The following ANOS1 variants were observed in gnomAD, a reference collection of about 807,000 sequenced individuals.
The protein encoded by ANOS1 is anosmin-1.
Under a neutral mutation model 59.0 loss-of-function variants are expected in ANOS1, and 6 were observed. The ratio of observed to expected loss-of-function variants is 0.10; its 90% CI spans 0.06 to 0.20. ANOS1 has a LOEUF of 0.20. ANOS1 is among the 10% of genes least tolerant of loss of function. The probability of loss-of-function intolerance (pLI) is 1.00; values close to 1 mark genes in which losing one functional copy is unlikely to be tolerated. For missense variants in ANOS1, 433 were observed against 542.3 expected (o/e 0.80, Z 2.00); for synonymous variants, 217 against 223.4 (o/e 0.97, Z 0.25).
intron 9 of ANOS1, among the ~76,000 whole-genome samples, chrX:8,551,256 T>C (rs781514212): frequency 8.9e-6 from 1 of 112,373 alleles, no homozygotes; most frequent in Admixed American, 9.4e-5. Flanking sequence ...AATATCTTTG[T>C]GACCTTTGTA....
At chrX:8,685,255 G>C (rs1238335961) in intron 2 of ANOS1, among the ~76,000 whole-genome samples, 1 of 110,736 alleles carries the variant, frequency 9.0e-6, no homozygotes, top group Admixed American at 9.8e-5. Context: ...CTGAGCTATT[G>C]CTATTAATAT....
rs1193940459 is a variant in ANOS1 at position 8,587,878 on chromosome X, A to G, written c.642T>C (p.Pro214=). ...WSSKFNISIE[P]VIYVVQRRWN... is the part of the protein sequence containing the mutation. ...ATCTTCTTTGTACCACATAGATCAC[A>G]GGCTCAATAGAAATATTGAATTTCG... The change falls in exon 5 of 14, where the codon CCT becomes CCC. Residue 214 remains proline, a synonymous_variant. Transcript: ENST00000262648. 2 of 1,204,270 alleles carry G rather than the reference A, an allele frequency of 1.7e-6. No individual in the cohort carries two copies. The highest frequency in any genetic ancestry group is 2.2e-6 in the Non-Finnish European group (2 of 890,933).
chrX:8,581,598 G>A (rs999292670), intron 6 of ANOS1, among the ~76,000 whole-genome samples: 1 of 111,517 alleles, frequency 9.0e-6, no homozygotes, highest in Admixed American at 9.5e-5. Context: ...CAGAATTATG[G>A]GAGTTTAACA....
intron 1 of ANOS1, among the ~76,000 whole-genome samples, chrX:8,710,564 C>A (rs1187721642): frequency 8.9e-6 from 1 of 111,788 alleles, no homozygotes; most frequent in Non-Finnish European, 1.9e-5. Flanking sequence ...CCATTCAATC[C>A]ATCTTCTTGG....
chrX:8,654,960 T>C (rs1241248347), intron 2 of ANOS1, among the ~76,000 whole-genome samples: 2 of 112,264 alleles, frequency 1.8e-5, no homozygotes, highest in Non-Finnish European at 3.8e-5. Flanking sequence ...TGCCAGATTA[T>C]CTATGGCTGC....
chrX:8,652,848 T>G (rs1931871043), intron 2 of ANOS1, among the ~76,000 whole-genome samples: 1 of 110,437 alleles, frequency 9.1e-6, no homozygotes, highest in Non-Finnish European at 1.9e-5. Context: ...TTAATTAAAT[T>G]TATTTATTTA....
intron 7 of ANOS1, among the ~76,000 whole-genome samples, chrX:8,569,629 G>A (rs775950833): frequency 6.3e-5 from 7 of 111,784 alleles, no homozygotes; most frequent in Non-Finnish European, 1.3e-4. Flanking sequence ...GAGACAGAGC[G>A]AGACTCCCTC....
chrX:8,695,227 G>A (rs1172292967), intron 2 of ANOS1, among the ~76,000 whole-genome samples: 1 of 111,928 alleles, frequency 8.9e-6, no homozygotes, highest in African/African-American at 3.3e-5. Context: ...CACAAGAACT[G>A]CTTGACCCCA....
chrX:8,629,194 T>G (rs1485807470), intron 2 of ANOS1, among the ~76,000 whole-genome samples: 1 of 111,109 alleles, frequency 9.0e-6, no homozygotes, highest in Non-Finnish European at 1.9e-5. Context: ...GACTGCAGAA[T>G]GCACCACTGC....
At chrX:8,603,301 T>C (rs1443250894) in intron 3 of ANOS1, among the ~76,000 whole-genome samples, 4 of 111,793 alleles carry the variant, frequency 3.6e-5, no homozygotes, top group African/African-American at 6.5e-5. Flanking sequence ...ATCCTTCATA[T>C]GTTAACGAAT....
At chrX:8,635,679 C>G (rs1931561645) in intron 2 of ANOS1, among the ~76,000 whole-genome samples, 1 of 112,214 alleles carries the variant, frequency 8.9e-6, no homozygotes, top group Non-Finnish European at 1.9e-5. Context: ...GGGCTAGAAA[C>G]TATTATCTGT....
chrX:8,710,791 T>C lies in ANOS1; in HGVS notation c.208-11046A>G, dbSNP rs1455203144. Among the ~76,000 whole-genome samples the C allele has an allele frequency of 2.7e-5, 3 of 112,308 alleles. No individual in the cohort carries two copies. In the East Asian group the frequency reaches 8.4e-4, roughly 31 times the overall value. On this transcript the variant is annotated intron_variant, in intron 1 of 13. Coordinates refer to ENST00000262648, the MANE Select transcript of ANOS1 (RefSeq NM_000216.4). ...CTTTCAGATTTTCTGCCTGCTAATA[T>C]TTTATTCTCTGATTAACTAATTCAT...
At chrX:8,568,134 T>C (rs990697477) in intron 8 of ANOS1, 98 bp downstream of exon 8, 1 of 873,072 alleles carries the variant, frequency 1.1e-6, no homozygotes, top group Non-Finnish European at 1.7e-6. Context: ...CATATAATTA[T>C]TCCAAATCAA....
chrX:8,692,298 C>G (rs774154579), intron 2 of ANOS1, among the ~76,000 whole-genome samples: 1 of 111,900 alleles, frequency 8.9e-6, no homozygotes, highest in East Asian at 2.8e-4. Context: ...TCTACTATTG[C>G]TTTTGTGCTG....
At chrX:8,691,940 T>G (rs1056422298) in intron 2 of ANOS1, among the ~76,000 whole-genome samples, 5 of 112,122 alleles carry the variant, frequency 4.5e-5, no homozygotes, top group African/African-American at 1.6e-4. Context: ...ACAAACAATG[T>G]TCTATAAGCT....
At position 8,585,306 on chromosome X, in the gene ANOS1, C is replaced by T; in HGVS notation, c.817G>A (p.Gly273Ser). 2 of 1,210,872 alleles carry T rather than the reference C, an allele frequency of 1.7e-6. No homozygotes were observed. The highest frequency in any genetic ancestry group is 5.9e-5 in the East Asian group (2 of 33,832). The change falls in exon 6 of 14, where the codon GGC (glycine) becomes AGC (serine). Residue 273 changes from glycine (G) to serine (S), a missense_variant. Transcript: ENST00000262648. ...VAAVNVHGTR[G>S]FTAPSKHFRS... is the part of the protein sequence containing the mutation. ...AAGTGTTTGCTGGGGGCAGTGAAGC[C>T]TCGAGTTCCATGCACATTCACAGCA...
intron 9 of ANOS1, among the ~76,000 whole-genome samples, chrX:8,552,796 CAAAT>C (rs1420673616): frequency 1.8e-5 from 2 of 109,014 alleles, no homozygotes; most frequent in Non-Finnish European, 3.8e-5. Flanking sequence ...TATAATAGAT[CAAAT>C]ACTTTTCTTA....
intron 2 of ANOS1, among the ~76,000 whole-genome samples, chrX:8,657,834 G>C (rs982875179): frequency 8.1e-5 from 9 of 111,165 alleles, no homozygotes; most frequent in African/African-American, 2.9e-4. Flanking sequence ...TGGAGAATAA[G>C]GAAGAAGGGG....
At chrX:8,668,570 T>C in intron 2 of ANOS1, among the ~76,000 whole-genome samples, 1 of 103,705 alleles carries the variant, frequency 9.6e-6, no homozygotes, top group Non-Finnish European at 2.0e-5. Flanking sequence ...ATATATATGA[T>C]GGAATACTAT....
Sources: allele counts gnomAD v4.1 joint callset (sites outside exome capture counted in the v4.1 genomes callset), GRCh38; gene constraint gnomAD v4.1.1; transcripts MANE v1.5; gene names NCBI Gene and HGNC (gene_info 2026-07-23, HGNC 2026-07-21).